TNRC6C: variants seen among roughly 807,000 people sequenced by gnomAD.
TNRC6C encodes trinucleotide repeat containing adaptor 6C.
TNRC6C carries 20 observed loss-of-function variants against 153.7 expected under a neutral mutation model. That is an observed-to-expected ratio of 0.13 (90% CI 0.09 to 0.19). TNRC6C has a LOEUF of 0.19. Ranked by LOEUF, TNRC6C falls within the 10% of genes least tolerant of loss-of-function variation. TNRC6C has a pLI of 1.00. For synonymous variants in TNRC6C, 811 were observed against 841.4 expected (o/e 0.96, Z 0.63); for missense variants, 1,987 against 2,172.0 (o/e 0.91, Z 1.69).
intron 1 of TNRC6C, among the ~76,000 whole-genome samples, chr17:77,974,575 C>T (rs1394365695): frequency 6.6e-6 from 1 of 152,156 alleles, no homozygotes; most frequent in African/African-American, 2.4e-5. Context: ...GATCCTCCCA[C>T]CTTAACCTCA....
chr17:78,071,688 G>T (rs982461507), intron 6 of TNRC6C, among the ~76,000 whole-genome samples: 2 of 152,098 alleles, frequency 1.3e-5, no homozygotes, highest in East Asian at 3.9e-4. Context: ...ACGCCCAGCC[G>T]GAAAATGCTG....
chr17:78,107,135 C>G (rs944372570), exon 20 of TNRC6C: 2 of 152,158 alleles, frequency 1.3e-5, no homozygotes, highest in Admixed American at 6.5e-5. Context: ...GTATGTGCGT[C>G]CGACATACCA....
chr17:78,004,072 G>A, upstream of TNRC6C: 4 of 1,227,874 alleles, frequency 3.3e-6, no homozygotes, highest in African/African-American at 1.6e-5. Context: ...TATACCATAT[G>A]CGAAATTCTG....
At chr17:77,983,140 A>G (rs1463136681) in intron 1 of TNRC6C, among the ~76,000 whole-genome samples, 1 of 152,188 alleles carries the variant, frequency 6.6e-6, no homozygotes, top group Non-Finnish European at 1.5e-5. Flanking sequence ...TTAATGGTAA[A>G]ACCCTGAAAG....
At chr17:78,028,698 C>G (rs990556544) in intron 1 of TNRC6C, among the ~76,000 whole-genome samples, 1 of 152,224 alleles carries the variant, frequency 6.6e-6, no homozygotes, top group Middle Eastern at 3.4e-3. Context: ...GAACCACCCC[C>G]CAATGTTGAC....
intron 2 of TNRC6C, among the ~76,000 whole-genome samples, chr17:78,034,232 T>C (rs2072134305): frequency 6.6e-6 from 1 of 152,028 alleles, no homozygotes. Context: ...TAATTTTGTA[T>C]TTTTAGTAGA....
exon 3 of TNRC6C, chr17:78,050,994 C>T (rs1180342417): frequency 6.2e-7 from 1 of 1,613,892 alleles, no homozygotes; most frequent in Non-Finnish European, 8.5e-7. Context: ...GGGGCAACAG[C>T]ACAAATACAA....
At chr17:78,091,880 T>A (rs1567963430) in intron 14 of TNRC6C, among the ~76,000 whole-genome samples, 1 of 152,204 alleles carries the variant, frequency 6.6e-6, no homozygotes, top group Non-Finnish European at 1.5e-5. Flanking sequence ...TGTACTTTTT[T>A]TATGTATCTA....
At chr17:78,054,662 C>T (rs1278686962) in intron 3 of TNRC6C, among the ~76,000 whole-genome samples, 1 of 152,046 alleles carries the variant, frequency 6.6e-6, no homozygotes, top group East Asian at 1.9e-4. Flanking sequence ...CTGCAGACTA[C>T]TGTACGCTAC....
chr17:77,990,122 TATACCC>T (rs1401372997), intron 1 of TNRC6C, among the ~76,000 whole-genome samples: 9 of 152,190 alleles, frequency 5.9e-5, no homozygotes, highest in Admixed American at 5.9e-4. Flanking sequence ...CCCTCTCCCT[TATACCC>T]ATATCCAATT....
chr17:77,975,655 TA>T (rs1201914466), intron 1 of TNRC6C, among the ~76,000 whole-genome samples: 8 of 152,338 alleles, frequency 5.3e-5, no homozygotes, highest in Admixed American at 1.3e-4. Flanking sequence ...GCATTGTGAT[TA>T]TGAGGCTTTG....
intron 1 of TNRC6C, among the ~76,000 whole-genome samples, chr17:77,976,162 C>T (rs2070994886): frequency 6.6e-6 from 1 of 152,174 alleles, no homozygotes; most frequent in Non-Finnish European, 1.5e-5. Flanking sequence ...TTATATTCAG[C>T]CCTGCGTAGT....
rs376934853 is a variant in TNRC6C, at chr17:78,086,589, A to G, written c.3561+3A>G. The G allele has an allele frequency of 8.7e-6, 14 of 1,613,314 alleles. No individual in the cohort carries two copies. Among genetic ancestry groups the G allele is most frequent in the African/African-American group, 1.3e-5 (1 of 74,898 alleles). ...CCATGAGACAACAGGAGCAGCAAGT[A>G]GGTGCTACCCAGATTGATTTTTGTC... On this transcript the variant is annotated splice_donor_region_variant and intron_variant, in intron 12 of 19. Transcript: ENST00000301624.
Position 78,064,708 on chromosome 17 carries a change from G to C in TNRC6C, c.2396-14G>C, listed in dbSNP as rs2072837911. On this transcript the variant is annotated splice_polypyrimidine_tract_variant and intron_variant, in intron 3 of 19. Coordinates refer to ENST00000301624, the Ensembl canonical transcript of TNRC6C. ...ACTTTCATTATTTTCTCTACCCCTT[G>C]GAACCTTTTTCAGTTTCATCAGGCT... is the stretch of plus-strand genomic sequence containing the variant. 1 of 1,612,156 alleles carries C rather than the reference G, an allele frequency of 6.2e-7. No homozygotes were observed. The highest frequency in any genetic ancestry group is 1.7e-5 in the Admixed American group (1 of 59,682).
intron 1 of TNRC6C, among the ~76,000 whole-genome samples, chr17:77,976,820 T>C (rs2071004405): frequency 6.7e-6 from 1 of 148,464 alleles, no homozygotes; most frequent in South Asian, 2.1e-4. Flanking sequence ...TCCCAGCTAT[T>C]GGGGAGGCTG....
chr17:78,033,536 G>A (rs2072115053), intron 2 of TNRC6C, among the ~76,000 whole-genome samples: 1 of 152,106 alleles, frequency 6.6e-6, no homozygotes, highest in Admixed American at 6.6e-5. Context: ...GGGCATGTTG[G>A]CACATGCCTG....
At chr17:78,107,916 A>G (rs141285789) in exon 20 of TNRC6C, 33 of 152,306 alleles carry the variant, frequency 2.2e-4, no homozygotes, top group African/African-American at 7.5e-4. Context: ...TATTTTTGTA[A>G]AATCACCTTC....
intron 1 of TNRC6C, among the ~76,000 whole-genome samples, chr17:78,028,932 A>G (rs1458741367): frequency 1.3e-5 from 2 of 152,224 alleles, no homozygotes; most frequent in East Asian, 1.9e-4. Flanking sequence ...CGACTCTTGC[A>G]CTTTACATGT....
intron 1 of TNRC6C, among the ~76,000 whole-genome samples, chr17:77,968,360 GAGACGTAGTCTTGTTCTGTCGCCC>G (rs1413617824): frequency 6.7e-6 from 1 of 150,212 alleles, no homozygotes; most frequent in African/African-American, 2.5e-5. Context: ...GTTGTTGTTT[GAGACGTAGTCTTGTTCTGTCGCCC>G]AGACTAGAGT....
Sources: gnomAD v4.1 joint callset for allele counts (sites outside exome capture counted in the v4.1 genomes callset) on GRCh38, gnomAD v4.1.1 for gene constraint, MANE v1.5 for transcripts, NCBI Gene and HGNC (gene_info 2026-07-23, HGNC 2026-07-21) for gene names.